Variants in USH2A observed in about 807,000 individuals in gnomAD.
USH2A encodes the protein usherin, also known as Usher syndrome 2A (autosomal recessive, mild).
A neutral mutation model predicts 538.9 loss-of-function variants in USH2A; 443 were observed. The ratio of observed to expected loss-of-function variants is 0.82; its 90% CI spans 0.76 to 0.89. USH2A has a LOEUF of 0.89. Among genes scored for constraint, USH2A ranks in the 40% least tolerant of loss-of-function variants. The probability of loss-of-function intolerance (pLI) is 0.00; values close to 1 mark genes in which losing one functional copy is unlikely to be tolerated. For missense variants in USH2A, 6,633 were observed against 6,324.8 expected (o/e 1.05, Z -1.65); for synonymous variants, 2,413 against 2,273.5 (o/e 1.06, Z -1.75).
At chr1:215,669,976 C>T (rs968931623) in intron 64 of USH2A, among the ~76,000 whole-genome samples, 1 of 152,154 alleles carries the variant, frequency 6.6e-6, no homozygotes, top group African/African-American at 2.4e-5. Context: ...GTTCCTGGCA[C>T]TTAAGTGCTT....
At chr1:215,807,968 C>T (rs1662550293) in intron 49 of USH2A, among the ~76,000 whole-genome samples, 1 of 151,850 alleles carries the variant, frequency 6.6e-6, no homozygotes, top group African/African-American at 2.4e-5. Flanking sequence ...ACATTAATAC[C>T]CTGCTAATAT....
At chr1:216,206,697 C>T (rs904231081) in intron 16 of USH2A, among the ~76,000 whole-genome samples, 2 of 152,132 alleles carry the variant, frequency 1.3e-5, no homozygotes, top group African/African-American at 4.8e-5. Flanking sequence ...AGTTTATATG[C>T]TATCATAGCC....
intron 10 of USH2A, among the ~76,000 whole-genome samples, chr1:216,290,358 A>G (rs746133110): frequency 6.6e-6 from 1 of 152,152 alleles, no homozygotes; most frequent in Non-Finnish European, 1.5e-5. Context: ...CCATTTACAT[A>G]TGCTGTTGAC....
intron 35 of USH2A, among the ~76,000 whole-genome samples, chr1:215,983,650 A>G (rs569447295): frequency 1.3e-5 from 2 of 152,100 alleles, no homozygotes; most frequent in South Asian, 4.2e-4. Flanking sequence ...CACAAAAAAC[A>G]CCTCTCCGTG....
chr1:216,225,691 C>A (rs749334563), intron 14 of USH2A, among the ~76,000 whole-genome samples: 1 of 152,160 alleles, frequency 6.6e-6, no homozygotes, highest in Non-Finnish European at 1.5e-5. Context: ...CTAAGCCCCA[C>A]TCAAACTTGG....
At chr1:216,108,404 C>CTT (rs551783781) in intron 21 of USH2A, among the ~76,000 whole-genome samples, 18 of 148,136 alleles carry the variant, frequency 1.2e-4, no homozygotes, top group South Asian at 2.1e-4. Context: ...TTTCCATAAT[C>CTT]TTTTTTTTTT....
intron 11 of USH2A, among the ~76,000 whole-genome samples, chr1:216,281,098 T>C (rs2102594740): frequency 6.6e-6 from 1 of 152,290 alleles, no homozygotes; most frequent in South Asian, 2.1e-4. Flanking sequence ...CTTGACACAA[T>C]ATCTCCACAT....
intron 54 of USH2A, 148 bp from the exon 55 acceptor site, chr1:215,780,189 T>G: frequency 1.1e-6 from 1 of 881,890 alleles, no homozygotes; most frequent in Non-Finnish European, 1.8e-6. Context: ...TTTTTTCATT[T>G]TTTTCCCTCC....
chr1:216,232,889 T>C (rs2035729439), intron 13 of USH2A, among the ~76,000 whole-genome samples: 1 of 152,202 alleles, frequency 6.6e-6, no homozygotes, highest in Non-Finnish European at 1.5e-5. Flanking sequence ...ATTACATCTA[T>C]TCTGTCAATT....
chr1:215,671,186 A>G lies in USH2A; in HGVS notation c.13919T>C (p.Leu4640Pro). The change falls in exon 64 of 72, where the codon CTG (leucine) becomes CCG (proline). Residue 4640 changes from leucine (L) to proline (P), a missense_variant. Physicochemically the swap from Leu to Pro is moderately conservative, Grantham distance 98. Coordinates refer to ENST00000307340, the MANE Select transcript of USH2A (RefSeq NM_206933.4). ...TCCTCCTGGAGCCATTTGTACCTCCAGATGTGGAGGGGGTTGCATCAAAGG... is the reference window on the plus strand; with the variant it reads ...TCCTCCTGGAGCCATTTGTACCTCCGGATGTGGAGGGGGTTGCATCAAAGG... ...IAPLMQPPPH[L>P]EVQMAPGGFQ... 6.2e-7 allele frequency: 1 copy of G among 1,614,106 alleles called. No individual in the cohort carries two copies. The highest frequency in any genetic ancestry group is 8.5e-7 in the Non-Finnish European group (1 of 1,180,010).
chr1:216,134,459 A>C (rs1001337693), intron 21 of USH2A, among the ~76,000 whole-genome samples: 41 of 152,136 alleles, frequency 2.7e-4, no homozygotes, highest in Admixed American at 8.5e-4. Flanking sequence ...GTCATCTTAA[A>C]GAAATAAAAC....
chr1:215,902,634 G>T (rs901712662), intron 38 of USH2A, among the ~76,000 whole-genome samples: 4 of 152,074 alleles, frequency 2.6e-5, no homozygotes, highest in African/African-American at 9.7e-5. Flanking sequence ...AAAAGAATTG[G>T]GCAGTTTTAG....
chr1:216,344,696 A>G (rs955198033), intron 4 of USH2A, among the ~76,000 whole-genome samples: 8 of 151,718 alleles, frequency 5.3e-5, no homozygotes, highest in African/African-American at 1.7e-4. Flanking sequence ...TAGAGGCCTA[A>G]TTTAGGGGCG....
At chr1:216,267,266 G>C (rs2036491568) in intron 11 of USH2A, among the ~76,000 whole-genome samples, 1 of 152,088 alleles carries the variant, frequency 6.6e-6, no homozygotes, top group African/African-American at 2.4e-5. Context: ...ACAGAATTTA[G>C]CTTTGTTTAA....
intron 43 of USH2A, 120 bp from the exon 44 acceptor site, chr1:215,867,290 G>A: frequency 9.2e-7 from 1 of 1,084,970 alleles, no homozygotes; most frequent in Admixed American, 2.4e-5. Context: ...ACAAAATACT[G>A]TTTTCTTTTC....
intron 3 of USH2A, among the ~76,000 whole-genome samples, chr1:216,388,383 T>C (rs1409385921): frequency 6.6e-6 from 1 of 152,222 alleles, no homozygotes; most frequent in Non-Finnish European, 1.5e-5. Context: ...GAATTGCATA[T>C]GTTTTGGTGA....
In USH2A at chr1:216,084,862, C is replaced by T. The variant is rs1265349835; in HGVS notation, c.5003G>A (p.Gly1668Asp). 5 of 1,613,168 alleles carry T rather than the reference C, an allele frequency of 3.1e-6. No individual in the cohort carries two copies. The highest frequency in any genetic ancestry group is 1.7e-4 in the Middle Eastern group (1 of 6,050). ...LRKDPEIIQKGFVGCLKDVHF... is the reference protein window; with the variant it reads ...LRKDPEIIQKDFVGCLKDVHF... Reference sequence around the variant, plus strand: ...TACATCCTTGAGACAGCCCACAAAACCTTTTTGGATTATCTCTGCAGGAGT... The same window carrying T: ...TACATCCTTGAGACAGCCCACAAAATCTTTTTGGATTATCTCTGCAGGAGT... The change falls in exon 25 of 72, where the codon GGT (glycine) becomes GAT (aspartate). Residue 1668 changes from glycine (G) to aspartate (D), a missense_variant. Physicochemically the swap from Gly to Asp is moderately conservative, Grantham distance 94. Coordinates refer to ENST00000307340, the MANE Select transcript of USH2A (RefSeq NM_206933.4).
At chr1:216,150,792 T>C (rs1335662508) in intron 21 of USH2A, among the ~76,000 whole-genome samples, 1 of 152,174 alleles carries the variant, frequency 6.6e-6, no homozygotes, top group East Asian at 1.9e-4. Flanking sequence ...CTCCTTTATG[T>C]ATCTCTCGGC....
chr1:216,110,946 C>T (rs1362826678), intron 21 of USH2A, among the ~76,000 whole-genome samples: 1 of 152,196 alleles, frequency 6.6e-6, no homozygotes, highest in African/African-American at 2.4e-5. Flanking sequence ...CTGTATCTGG[C>T]CGGGCATGGT....
Sources: gnomAD v4.1 joint callset for allele counts (sites outside exome capture counted in the v4.1 genomes callset) on GRCh38, gnomAD v4.1.1 for gene constraint, MANE v1.5 for transcripts, NCBI Gene and HGNC (gene_info 2026-07-23, HGNC 2026-07-21) for gene names.